VPS13B: variants seen among roughly 807,000 people sequenced by gnomAD.
The protein encoded by VPS13B is intermembrane lipid transfer protein VPS13B.
Under a neutral mutation model 426.4 loss-of-function variants are expected in VPS13B, and 285 were observed. The observed-to-expected ratio is 0.67, with a 90% CI of 0.61 to 0.74. The LOEUF (loss-of-function observed/expected upper bound fraction) is 0.74, where lower values mean the gene tolerates loss of function less well. VPS13B is among the 30% of genes least tolerant of loss of function. VPS13B has a pLI of 0.00. For synonymous variants in VPS13B, 1,676 were observed against 1,676.4 expected, an observed-to-expected ratio of 1.00 and a Z score of 0.01; for missense variants, 4,537 against 4,782.6, an observed-to-expected ratio of 0.95 and a Z score of 1.51.
intron 17 of VPS13B, among the ~76,000 whole-genome samples, chr8:99,232,625 GTA>G (rs755368385): frequency 3.8e-4 from 58 of 152,154 alleles, no homozygotes; most frequent in Non-Finnish European, 8.2e-4. Flanking sequence ...CGCAGGCCAC[GTA>G]TCTTACCATC....
intron 54 of VPS13B, among the ~76,000 whole-genome samples, chr8:99,840,373 A>G (rs1241654276): frequency 1.3e-5 from 2 of 152,262 alleles, no homozygotes; most frequent in Non-Finnish European, 2.9e-5. Flanking sequence ...ATATTGGCCT[A>G]GTCCAGCTTG....
intron 34 of VPS13B, among the ~76,000 whole-genome samples, chr8:99,647,443 C>A (rs969754002): frequency 1.6e-4 from 25 of 151,792 alleles, no homozygotes; most frequent in African/African-American, 5.8e-4. Context: ...TGCCTGTAAT[C>A]CCAGGTACTC....
chr8:99,841,831 C>T lies in VPS13B; in HGVS notation c.9942+6093C>T, dbSNP rs1340072548. 2.6e-5 allele frequency among the ~76,000 whole-genome samples: 4 copies of T among 152,280 alleles called. No homozygotes were observed. The East Asian group carries it at 5.8e-4, about 22-fold the overall frequency. The stretch of plus-strand genomic sequence containing the variant: ...CATCATCTCCCTCCCAGATTTTAGC[C>T]ATAGCGCCTTAATAGGTCTCTCCAT... On this transcript the variant is annotated intron_variant, in intron 54 of 61. Transcript: ENST00000357162.
intron 8 of VPS13B, among the ~76,000 whole-genome samples, chr8:99,132,088 G>C (rs1174609606): frequency 2.0e-5 from 3 of 152,048 alleles, no homozygotes; most frequent in Non-Finnish European, 4.4e-5. Flanking sequence ...GTAGAGATGG[G>C]GTTTCACCAC....
At chr8:99,819,285 A>T in intron 47 of VPS13B, 127 bp from the exon 48 acceptor site, 1 of 1,125,222 alleles carries the variant, frequency 8.9e-7, no homozygotes, top group Non-Finnish European at 1.3e-6. Flanking sequence ...ACACTGTCCC[A>T]TAAATGGACT....
Position 99,678,561 on chromosome 8 carries a change from C to G in VPS13B, c.6046+17070C>G, listed in dbSNP as rs72676235. 3.1e-3 allele frequency among the ~76,000 whole-genome samples: 462 copies of G among 148,554 alleles called. 2 individuals are homozygous for G. The highest frequency in any genetic ancestry group is 5.3e-3 in the Admixed American group (74 of 14,060). On this transcript the variant is annotated intron_variant, in intron 35 of 61. Transcript: ENST00000357162. ...ATATAAATTGCTTATTTGGCTTAAT[C>G]TGATTCTGTTTTTTTTTTTTAAGAA...
chr8:99,633,842 T>TGTGC (rs1325424655), intron 33 of VPS13B, among the ~76,000 whole-genome samples: 8 of 151,470 alleles, frequency 5.3e-5, no homozygotes, highest in East Asian at 1.9e-4. Flanking sequence ...TGTGTGTGCG[T>TGTGC]GTTTTAACTG....
intron 21 of VPS13B, among the ~76,000 whole-genome samples, chr8:99,429,913 G>C (rs1222740255): frequency 6.6e-6 from 1 of 152,002 alleles, no homozygotes; most frequent in Non-Finnish European, 1.5e-5. Context: ...TGTATGACCT[G>C]GTCCCTATAT....
intron 17 of VPS13B, among the ~76,000 whole-genome samples, chr8:99,245,901 C>T (rs562139780): frequency 4.5e-4 from 68 of 152,308 alleles, no homozygotes; most frequent in African/African-American, 1.6e-3. Flanking sequence ...TCTCTCATTT[C>T]AGTTTTTCTA....
chr8:99,563,967 T>C (rs978099031), intron 31 of VPS13B, among the ~76,000 whole-genome samples: 1 of 152,204 alleles, frequency 6.6e-6, no homozygotes, highest in Non-Finnish European at 1.5e-5. Context: ...ATTCAAAAGA[T>C]ATAATGAAGA....
intron 14 of VPS13B, among the ~76,000 whole-genome samples, chr8:99,150,217 T>A (rs1810989920): frequency 6.6e-6 from 1 of 152,198 alleles, no homozygotes; most frequent in Admixed American, 6.5e-5. Context: ...TGCTATCATC[T>A]AATTTTTAAA....
chr8:99,830,620 G>A (rs12542791), intron 51 of VPS13B, among the ~76,000 whole-genome samples: 54,072 of 151,842 alleles, frequency 0.36, 9,825 homozygotes, highest in East Asian at 0.47. Context: ...ATTCTGTCTC[G>A]CTGGCATTCC....
At chr8:99,127,343 A>C (rs1848228774) in intron 8 of VPS13B, among the ~76,000 whole-genome samples, 2 of 152,156 alleles carry the variant, frequency 1.3e-5, no homozygotes, top group Non-Finnish European at 2.9e-5. Flanking sequence ...TGAGCTCTAG[A>C]ATTCAACTGC....
intron 19 of VPS13B, among the ~76,000 whole-genome samples, chr8:99,326,528 C>G (rs745510878): frequency 1.7e-5 from 2 of 117,952 alleles, no homozygotes; most frequent in Non-Finnish European, 3.3e-5. Context: ...TCTCAGCTCA[C>G]TGCAACCTCT....
chr8:99,509,905 C>T (rs1364923178), intron 28 of VPS13B, among the ~76,000 whole-genome samples: 1 of 152,042 alleles, frequency 6.6e-6, no homozygotes, highest in Non-Finnish European at 1.5e-5. Context: ...ATATGTTTTA[C>T]TTTACTCTTT....
At chr8:99,121,070 C>A in intron 7 of VPS13B, 107 bp from the exon 8 acceptor site, 2 of 950,050 alleles carry the variant, frequency 2.1e-6, no homozygotes, top group Non-Finnish European at 3.1e-6. Context: ...TTTGTTTATA[C>A]CTTATATTAG....
At chr8:99,400,424 A>G (rs1436604211) in intron 21 of VPS13B, among the ~76,000 whole-genome samples, 3 of 152,216 alleles carry the variant, frequency 2.0e-5, no homozygotes, top group Non-Finnish European at 4.4e-5. Context: ...TAAACTATTT[A>G]AAAATAGTTA....
intron 21 of VPS13B, among the ~76,000 whole-genome samples, chr8:99,430,887 T>TA (rs1817068989): frequency 6.6e-6 from 1 of 152,064 alleles, no homozygotes. Context: ...TCTGGCTACT[T>TA]TTGTAGTTTT....
At chr8:99,088,837 A>T (rs1845985169) in intron 3 of VPS13B, among the ~76,000 whole-genome samples, 2 of 152,162 alleles carry the variant, frequency 1.3e-5, no homozygotes, top group African/African-American at 4.8e-5. Context: ...CTCTCTATTT[A>T]ACCTAAATTG....
Sources: gnomAD v4.1 joint callset for allele counts (sites outside exome capture counted in the v4.1 genomes callset) on GRCh38, gnomAD v4.1.1 for gene constraint, MANE v1.5 for transcripts, NCBI Gene and HGNC (gene_info 2026-07-23, HGNC 2026-07-21) for gene names.